TRPM1: variants seen among roughly 807,000 people sequenced by gnomAD.
TRPM1 encodes TRPM1-203 APA Isoform, Intron 10.
Under a neutral mutation model 149.4 loss-of-function variants are expected in TRPM1, and 113 were observed. The observed-to-expected ratio is 0.76, with a 90% CI of 0.65 to 0.88. TRPM1 has a LOEUF of 0.88. Ranked by LOEUF, TRPM1 falls within the 40% of genes least tolerant of loss-of-function variation. TRPM1 has a pLI of 0.00. For missense variants in TRPM1, 1,976 were observed against 2,038.7 expected (o/e 0.97, Z 0.59); for synonymous variants, 741 against 759.5 (o/e 0.98, Z 0.40).
chr15:31,153,815 A>G (rs8035292), intron 1 of TRPM1, among the ~76,000 whole-genome samples: 3,336 of 152,322 alleles, frequency 0.022, 130 homozygotes, highest in African/African-American at 0.077. Context: ...TATTGAAAAC[A>G]TCGACAAGTC....
At chr15:31,029,281 A>G in intron 24 of TRPM1, 90 bp downstream of exon 24, 1 of 1,351,036 alleles carries the variant, frequency 7.4e-7, no homozygotes, top group Non-Finnish European at 1.1e-6. Flanking sequence ...GTATTTGAAA[A>G]CAGTTTAAGA....
chr15:31,088,624 C>T (rs762960310), intron 1 of TRPM1, among the ~76,000 whole-genome samples: 1 of 152,206 alleles, frequency 6.6e-6, no homozygotes, highest in African/African-American at 2.4e-5. Context: ...TAGGAAACAT[C>T]TGAAGGAACA....
intron 1 of TRPM1, among the ~76,000 whole-genome samples, chr15:31,159,478 C>G (rs561289500): frequency 6.6e-6 from 1 of 152,270 alleles, no homozygotes; most frequent in East Asian, 1.9e-4. Flanking sequence ...CCAAATGCAG[C>G]AGTGCATTTG....
chr15:31,118,053 G>C (rs1306322449), intron 1 of TRPM1, among the ~76,000 whole-genome samples: 1 of 152,132 alleles, frequency 6.6e-6, no homozygotes, highest in Non-Finnish European at 1.5e-5. Context: ...TTGAGGTCAG[G>C]AGTTCAAGAC....
At chr15:31,063,948 C>T (rs1226168246) in intron 7 of TRPM1, among the ~76,000 whole-genome samples, 1 of 151,964 alleles carries the variant, frequency 6.6e-6, no homozygotes, top group Non-Finnish European at 1.5e-5. Flanking sequence ...CCTGGCTGTC[C>T]TAGCCTATGG....
chr15:31,113,136 T>C lies in TRPM1; in HGVS notation c.55-36152A>G, dbSNP rs564825786. 4.6e-5 allele frequency among the ~76,000 whole-genome samples: 7 copies of C among 152,204 alleles called. No individual in the cohort carries two copies. In the East Asian group the frequency reaches 1.2e-3, roughly 26 times the overall value. On this transcript the variant is annotated intron_variant, in intron 1 of 26. Transcript: ENST00000542188. ...TTAGGTAGCTAAGATCACCTCTCACTGTGTCTTCTGCCTGAATCACCCCCT... is the reference window on the plus strand; with the variant it reads ...TTAGGTAGCTAAGATCACCTCTCACCGTGTCTTCTGCCTGAATCACCCCCT...
chr15:31,109,333 C>CAAAAAAAAA (rs36072024), intron 1 of TRPM1, among the ~76,000 whole-genome samples: 21 of 32,298 alleles, frequency 6.5e-4, no homozygotes, highest in Non-Finnish European at 7.7e-4. Context: ...GACTCTGCCT[C>CAAAAAAAAA]AAAAAAAAAA....
At chr15:31,015,395 G>C (rs1228017085) in intron 27 of TRPM1, among the ~76,000 whole-genome samples, 1 of 149,920 alleles carries the variant, frequency 6.7e-6, no homozygotes, top group African/African-American at 2.5e-5. Context: ...CTGGGTGACA[G>C]AGCGAGACTC....
chr15:31,059,607 A>G (rs1400095118), intron 11 of TRPM1, among the ~76,000 whole-genome samples: 1 of 152,016 alleles, frequency 6.6e-6, no homozygotes, highest in Admixed American at 6.6e-5. Context: ...GTGTCTCACT[A>G]TGTTGACCAG....
intron 27 of TRPM1, among the ~76,000 whole-genome samples, chr15:31,005,486 T>TCAG (rs1266861949): frequency 6.6e-6 from 1 of 151,916 alleles, no homozygotes; most frequent in Admixed American, 6.6e-5. Context: ...CTGCATTGAA[T>TCAG]CAGTTACCAA....
intron 11 of TRPM1, among the ~76,000 whole-genome samples, chr15:31,057,211 A>G (rs895402884): frequency 6.6e-6 from 1 of 152,218 alleles, no homozygotes; most frequent in African/African-American, 2.4e-5. Context: ...CTGCAGCCAT[A>G]AAAAAGAACA....
intron 1 of TRPM1, among the ~76,000 whole-genome samples, chr15:31,094,417 GA>G (rs1222415702): frequency 1.3e-5 from 2 of 151,878 alleles, no homozygotes; most frequent in South Asian, 2.1e-4. Flanking sequence ...ATTAAGAAAG[GA>G]AAAAAACCCA....
At chr15:31,023,823 AATCGT>A (rs1376314580) in intron 27 of TRPM1, among the ~76,000 whole-genome samples, 3 of 152,206 alleles carry the variant, frequency 2.0e-5, no homozygotes, top group African/African-American at 7.2e-5. Context: ...ATCAATGCTG[AATCGT>A]ATTGCAAATC....
chr15:31,095,021 G>C (rs1002215722), intron 1 of TRPM1, among the ~76,000 whole-genome samples: 4 of 152,228 alleles, frequency 2.6e-5, no homozygotes, highest in African/African-American at 9.6e-5. Context: ...ACAAACAAAA[G>C]AATATTATTT....
rs1406809063 is a variant in TRPM1 at position 31,038,039 on chromosome 15, C to G, written c.2439+5G>C. 1 of 1,614,140 alleles carries G rather than the reference C, an allele frequency of 6.2e-7. No individual in the cohort carries two copies. Among genetic ancestry groups the G allele is most frequent in the Non-Finnish European group, 8.5e-7 (1 of 1,179,980 alleles). ...GATATGCTTAGGGTCAAGTGTGTCA[C>G]TGACCGTATTTTCCTCTTCTTTTTC... On this transcript the variant is annotated splice_donor_5th_base_variant and intron_variant, in intron 19 of 27. Coordinates refer to ENST00000256552, the MANE Select transcript of TRPM1 (RefSeq NM_001252024.2).
At chr15:31,097,706 A>G (rs1596069536) in intron 1 of TRPM1, among the ~76,000 whole-genome samples, 1 of 152,286 alleles carries the variant, frequency 6.6e-6, no homozygotes, top group East Asian at 1.9e-4. Flanking sequence ...AGCGTAGTAA[A>G]ATATTTCCGA....
At chr15:31,033,349 C>T (rs2033184915) in intron 21 of TRPM1, among the ~76,000 whole-genome samples, 1 of 152,170 alleles carries the variant, frequency 6.6e-6, no homozygotes, top group African/African-American at 2.4e-5. Context: ...TGGCAGAATA[C>T]CACTAGGAAA....
At chr15:31,088,881 C>T (rs1030835500) in intron 1 of TRPM1, among the ~76,000 whole-genome samples, 27 of 146,254 alleles carry the variant, frequency 1.8e-4, no homozygotes, top group African/African-American at 3.3e-4. Flanking sequence ...TTGGCCCCCC[C>T]GAGCGGGAGA....
chr15:31,101,412 C>T (rs2035512934), intron 1 of TRPM1, among the ~76,000 whole-genome samples: 1 of 152,170 alleles, frequency 6.6e-6, no homozygotes, highest in Non-Finnish European at 1.5e-5. Flanking sequence ...CCAGCTGCTC[C>T]ATAGGGTCCT....
Sources: gnomAD v4.1 joint callset for allele counts (sites outside exome capture counted in the v4.1 genomes callset) on GRCh38, gnomAD v4.1.1 for gene constraint, MANE v1.5 for transcripts, NCBI Gene and HGNC (gene_info 2026-07-23, HGNC 2026-07-21) for gene names.